The following AFTPH variants were observed in gnomAD, a reference collection of about 807,000 sequenced individuals.
AFTPH encodes the protein aftiphilin protein.
In AFTPH, 7 loss-of-function variants were observed where a neutral mutation model predicts 72.5. The observed-to-expected ratio is 0.10, with a 90% CI of 0.05 to 0.18. The LOEUF (loss-of-function observed/expected upper bound fraction) is 0.18, where lower values mean the gene tolerates loss of function less well. AFTPH is among the 10% of genes least tolerant of loss of function. The pLI, the probability that AFTPH is intolerant of heterozygous loss-of-function variation, is 1.00. For synonymous variants in AFTPH, 337 were observed against 370.1 expected (o/e 0.91, Z 1.03); for missense variants, 979 against 1,060.5 (o/e 0.92, Z 1.07).
At chr2:64,571,989 G>T (rs1672460585) in intron 5 of AFTPH, among the ~76,000 whole-genome samples, 1 of 152,188 alleles carries the variant, frequency 6.6e-6, no homozygotes, top group African/African-American at 2.4e-5. Context: ...GCCAAGACGG[G>T]TGGATCACCT....
chr2:64,572,825 C>A, intron 5 of AFTPH, 121 bp from the exon 6 acceptor site: 8 of 1,301,002 alleles, frequency 6.1e-6, no homozygotes, highest in Non-Finnish European at 6.3e-6. Flanking sequence ...AAGACTAGTT[C>A]CTTTTTGTCT....
chr2:64,528,000 T>C (rs141572888), intron 1 of AFTPH, among the ~76,000 whole-genome samples: 3 of 152,172 alleles, frequency 2.0e-5, no homozygotes, highest in African/African-American at 7.2e-5. Context: ...TTTGGGATAA[T>C]TGAGAAGAAG....
At chr2:64,560,768 G>A (rs998641242) in intron 2 of AFTPH, among the ~76,000 whole-genome samples, 8 of 152,186 alleles carry the variant, frequency 5.3e-5, no homozygotes, top group Non-Finnish European at 7.4e-5. Flanking sequence ...AGCTATTCGG[G>A]AGGCTGAGGC....
chr2:64,532,974 G>C (rs1331956179), intron 1 of AFTPH, among the ~76,000 whole-genome samples: 1 of 152,168 alleles, frequency 6.6e-6, no homozygotes, highest in Non-Finnish European at 1.5e-5. Flanking sequence ...TAATTAAGTA[G>C]ATAATCTTAC....
chr2:64,581,262 C>A, intron 7 of AFTPH: 1 of 1,595,514 alleles, frequency 6.3e-7, no homozygotes, highest in South Asian at 1.1e-5. Flanking sequence ...AGCAGCAGCA[C>A]CACAATCCCA....
intron 6 of AFTPH, among the ~76,000 whole-genome samples, chr2:64,576,118 C>CACACACACACACACACGT (rs1553404165): frequency 7.3e-6 from 1 of 137,036 alleles, no homozygotes; most frequent in African/African-American, 2.7e-5. Context: ...CACACACACA[C>CACACACACACACACACGT]GTGTGTCATA....
chr2:64,592,015 C>T lies in AFTPH; in HGVS notation c.2710C>T (p.Gln904Ter). ...CACGTTAACACCTTCCACAAGCTCTCAAGAAAAAGCAGACGGATAACTGAT... is the reference window on the plus strand; with the variant it reads ...CACGTTAACACCTTCCACAAGCTCTTAAGAAAAAGCAGACGGATAACTGAT... The change falls in exon 9 of 9, where the codon CAA (glutamine) becomes TAA (stop). Residue 904 changes from glutamine to a stop codon, truncating the protein, a stop_gained. Transcript: ENST00000238856. LOFTEE classifies it high-confidence loss of function. The T allele has an allele frequency of 1.2e-6, 2 of 1,612,674 alleles. No homozygotes were observed. The highest frequency in any genetic ancestry group is 1.3e-5 in the African/African-American group (1 of 74,676).
At chr2:64,570,922 C>CA (rs1295349066) in intron 5 of AFTPH, among the ~76,000 whole-genome samples, 2 of 129,704 alleles carry the variant, frequency 1.5e-5, no homozygotes, top group African/African-American at 2.7e-5. Context: ...CCCTCCCCCC[C>CA]CCCCCCACCT....
intron 1 of AFTPH, among the ~76,000 whole-genome samples, chr2:64,535,070 T>C (rs1320328101): frequency 6.6e-6 from 1 of 152,204 alleles, no homozygotes; most frequent in Non-Finnish European, 1.5e-5. Context: ...CTCAGATAAA[T>C]GTGTACAACA....
At chr2:64,573,124 C>A in intron 6 of AFTPH, 56 bp downstream of exon 6, 2 of 1,301,826 alleles carry the variant, frequency 1.5e-6, no homozygotes, top group South Asian at 1.4e-5. Flanking sequence ...CACATATATC[C>A]ACACATACTG....
Position 64,552,492 on chromosome 2 carries a change from T to C in AFTPH, c.1018T>C (p.Ser340Pro), listed in dbSNP as rs35287437. The change falls in exon 2 of 9, where the codon TCA becomes CCA. Residue 340 changes from serine to proline, a missense_variant. Ser to Pro is a moderately conservative substitution (Grantham distance 74, BLOSUM62 -1). Around this residue, in one of 3 missense-constraint regions of AFTPH, gnomAD observed 498 missense variants for 467.6 expected, o/e 1.06. Transcript: ENST00000238856. ...GTCAAAGGCTTGGAGTTTGGTAGACTCAGCTGATAATTCAGAAGCCATTAG... is the reference window on the plus strand; with the variant it reads ...GTCAAAGGCTTGGAGTTTGGTAGACCCAGCTGATAATTCAGAAGCCATTAG... 1,321 of 1,614,124 alleles carry C rather than the reference T, an allele frequency of 8.2e-4. 14 individuals are homozygous for C. The African/African-American group carries it at 0.016, about 19-fold the overall frequency.
intron 1 of AFTPH, among the ~76,000 whole-genome samples, chr2:64,531,081 AC>A (rs1479406858): frequency 0.018 from 2,566 of 141,156 alleles, 83 homozygotes; most frequent in African/African-American, 0.07. Flanking sequence ...AAAAAAAAAA[AC>A]ACCACAAAAT....
intron 4 of AFTPH, 34 bp from the exon 5 acceptor site, chr2:64,569,589 A>G (rs764810107): frequency 6.2e-7 from 1 of 1,602,596 alleles, no homozygotes; most frequent in South Asian, 1.1e-5. Flanking sequence ...ATTATTCTCT[A>G]AATATATGTT....
At chr2:64,535,836 A>G (rs1669853743) in intron 1 of AFTPH, among the ~76,000 whole-genome samples, 1 of 152,252 alleles carries the variant, frequency 6.6e-6, no homozygotes. Context: ...TGGCTGGAAC[A>G]AAGAGGGAGT....
At position 64,542,677 on chromosome 2, in the gene AFTPH, A is replaced by G. The variant is rs1670328941; in HGVS notation, c.-32-8766A>G. Among the ~76,000 whole-genome samples the G allele has an allele frequency of 2.6e-5, 4 of 151,462 alleles. No individual in the cohort carries two copies. The South Asian group carries it at 8.3e-4, about 31-fold the overall frequency. On this transcript the variant is annotated intron_variant, in intron 1 of 8. Coordinates refer to ENST00000238856, the Ensembl canonical transcript of AFTPH. ...TATATAGTTATATAAGTCAAGTTTTATATTTTCTAGGGATTGGTTAGAAAA... is the reference window on the plus strand; with the variant it reads ...TATATAGTTATATAAGTCAAGTTTTGTATTTTCTAGGGATTGGTTAGAAAA...
At chr2:64,591,343 G>C (rs1412018848) in intron 8 of AFTPH, among the ~76,000 whole-genome samples, 1 of 152,230 alleles carries the variant, frequency 6.6e-6, no homozygotes, top group Non-Finnish European at 1.5e-5. Flanking sequence ...CCTGCTGTCT[G>C]TATCCCAACA....
intron 2 of AFTPH, among the ~76,000 whole-genome samples, chr2:64,565,233 T>A (rs1671996594): frequency 1.3e-5 from 2 of 151,908 alleles, no homozygotes; most frequent in South Asian, 4.1e-4. Context: ...ACCCCAGCAC[T>A]TTGGGAGACC....
In AFTPH at chr2:64,573,084, T is replaced by C. The variant is rs749212157; in HGVS notation, c.2394+16T>C. The C allele has an allele frequency of 6.2e-7, 1 of 1,602,168 alleles. No individual in the cohort carries two copies. Among genetic ancestry groups the C allele is most frequent in the Non-Finnish European group, 8.6e-7 (1 of 1,169,206 alleles). On this transcript the variant is annotated intron_variant, in intron 6 of 8. Coordinates refer to ENST00000238856, the Ensembl canonical transcript of AFTPH. Reference sequence around the variant, plus strand: ...TCAGTTCCAGGTAAAAATATCTATATGTGTATAAATATGTTTATGCGTGTA... The same window carrying C: ...TCAGTTCCAGGTAAAAATATCTATACGTGTATAAATATGTTTATGCGTGTA...
chr2:64,547,740 T>C (rs181739088), intron 1 of AFTPH, among the ~76,000 whole-genome samples: 2,706 of 151,538 alleles, frequency 0.018, 70 homozygotes, highest in African/African-American at 0.063. Context: ...GCTTTTGTAT[T>C]CTTTTGACAT....
Sources: gnomAD v4.1 joint callset for allele counts (sites outside exome capture counted in the v4.1 genomes callset) on GRCh38, gnomAD v4.1.1 for gene constraint, gnomAD v4.1.1 regional missense constraint, MANE v1.5 for transcripts, NCBI Gene and HGNC (gene_info 2026-07-23, HGNC 2026-07-21) for gene names.